RNASEH2A: variants seen among roughly 807,000 people sequenced by gnomAD.
The protein encoded by RNASEH2A is ribonuclease H2 subunit A, also known as RNase H(35).
Under a neutral mutation model 32.7 loss-of-function variants are expected in RNASEH2A, and 30 were observed. The ratio of observed to expected loss-of-function variants is 0.92; its 90% confidence interval spans 0.69 to 1.25. The LOEUF (loss-of-function observed/expected upper bound fraction) is 1.25, where lower values mean the gene tolerates loss of function less well. Ranked by LOEUF, RNASEH2A falls within the 50% of genes most tolerant of loss-of-function variation. RNASEH2A has a pLI of 0.00. For missense variants in RNASEH2A, 409 were observed against 398.1 expected, an observed-to-expected ratio of 1.03 and a Z score of -0.23; for synonymous variants, 147 against 165.4, an observed-to-expected ratio of 0.89 and a Z score of 0.86.
intron 6 of RNASEH2A, 60 bp from the exon 7 acceptor site, chr19:12,813,023 G>T (rs1969095904): frequency 4.4e-6 from 7 of 1,607,426 alleles, no homozygotes; most frequent in African/African-American, 1.3e-5. Flanking sequence ...AAAAAGAGTG[G>T]CAGGGAGCTT....
At chr19:12,807,846 C>T (rs1474823576) in intron 4 of RNASEH2A, 12 of 357,008 alleles carry the variant, frequency 3.4e-5, no homozygotes, top group East Asian at 2.1e-4. Context: ...ACAGGAGAAT[C>T]GCTTGAACCC....
intron 3 of RNASEH2A, 25 bp downstream of exon 3, chr19:12,807,354 C>G: frequency 6.2e-7 from 1 of 1,614,172 alleles, no homozygotes; most frequent in African/African-American, 1.3e-5. Context: ...GGAGGGGCAG[C>G]CAGCATGGGC....
chr19:12,811,434 A>AC (rs773271814), intron 6 of RNASEH2A, among the ~76,000 whole-genome samples: 3 of 150,996 alleles, frequency 2.0e-5, no homozygotes, highest in Non-Finnish European at 4.4e-5. Context: ...ACATAGCGAG[A>AC]CCCCCATCTC....
chr19:12,812,985 CAG>C, intron 6 of RNASEH2A, 96 bp from the exon 7 acceptor site: 1 of 1,550,836 alleles, frequency 6.4e-7, no homozygotes, highest in Non-Finnish European at 8.8e-7. Context: ...AGCCTGGCTA[CAG>C]AGTGGGACTC....
In RNASEH2A at chr19:12,806,805, G is replaced by T. The variant is rs765535947; in HGVS notation, c.127+5G>T. On this transcript the variant is annotated splice_donor_5th_base_variant and intron_variant, in intron 1 of 7. Transcript: ENST00000221486. The stretch of plus-strand genomic sequence containing the variant: ...CGGGCAGGGGCCCCGTGCTGGGTGC[G>T]CCCCTAGGGCCAGGGAGGGGAGGGG... 3 of 1,582,498 alleles carry T rather than the reference G, an allele frequency of 1.9e-6. No individual in the cohort carries two copies. The highest frequency in any genetic ancestry group is 1.9e-5 in the Admixed American group (1 of 54,004).
rs1197618911 is a variant in RNASEH2A, at chr19:12,806,635, G to A, written c.-39G>A. ...ACGCGCGCCGAGACCCGCTCCTGCAGTATTAGTTCTTGCAGCTGGTGGTGG... is the reference window on the plus strand; with the variant it reads ...ACGCGCGCCGAGACCCGCTCCTGCAATATTAGTTCTTGCAGCTGGTGGTGG... On this transcript the variant is annotated 5_prime_UTR_variant, in exon 1 of 8. Transcript: ENST00000221486. 1.3e-6 allele frequency: 2 copies of A among 1,564,050 alleles called. No homozygotes were observed. Among genetic ancestry groups the A allele is most frequent in the Non-Finnish European group, 1.7e-6 (2 of 1,154,162 alleles).
chr19:12,811,310 C>G (rs922230255), intron 6 of RNASEH2A, among the ~76,000 whole-genome samples: 2 of 152,056 alleles, frequency 1.3e-5, no homozygotes, highest in Non-Finnish European at 2.9e-5. Flanking sequence ...GCATTTGTCC[C>G]TTTGTTAAGG....
rs181235174 is a variant in RNASEH2A at position 12,808,475 on chromosome 19, A to G, written c.411+969A>G. ...GCTCAGTCTCCAGAACAAATCCTAC[A>G]TTGTCTACCTGTCACCTCTGTCCTA... On this transcript the variant is annotated intron_variant, in intron 4 of 7. Transcript: ENST00000221486. Among the ~76,000 whole-genome samples the G allele has an allele frequency of 3.4e-3, 511 of 149,528 alleles. 2 individuals carry two copies. The highest frequency in any genetic ancestry group is 0.012 in the African/African-American group (475 of 39,780).
intron 4 of RNASEH2A, 92 bp downstream of exon 4, chr19:12,807,598 C>A (rs1289876156): frequency 1.9e-6 from 2 of 1,033,182 alleles, no homozygotes; most frequent in Non-Finnish European, 3.0e-6. Context: ...CATGATCATG[C>A]CACAGCACTC....
chr19:12,806,815 C>A lies in RNASEH2A; in HGVS notation c.127+15C>A. On this transcript the variant is annotated intron_variant, in intron 1 of 7. Coordinates refer to ENST00000221486, the MANE Select transcript of RNASEH2A (RefSeq NM_006397.3). Reference sequence around the variant, plus strand: ...CCCCGTGCTGGGTGCGCCCCTAGGGCCAGGGAGGGGAGGGGCGTGGTACGG... The same window carrying A: ...CCCCGTGCTGGGTGCGCCCCTAGGGACAGGGAGGGGAGGGGCGTGGTACGG... 6.3e-7 allele frequency: 1 copy of A among 1,586,404 alleles called. No homozygotes were observed. The highest frequency in any genetic ancestry group is 8.6e-7 in the Non-Finnish European group (1 of 1,166,984).
intron 4 of RNASEH2A, among the ~76,000 whole-genome samples, chr19:12,809,237 A>T (rs1270941799): frequency 6.6e-6 from 1 of 152,182 alleles, no homozygotes; most frequent in African/African-American, 2.4e-5. Flanking sequence ...AAAATAAAAC[A>T]TGAAAGATGG....
In RNASEH2A at chr19:12,813,142, T is replaced by G. The variant is rs1297337553; in HGVS notation, c.697T>G (p.Phe233Val). Residue 233 changes from phenylalanine to valine, a missense_variant, in exon 7 of 8, where the codon TTT becomes GTT. By Grantham distance (50) the Phe-to-Val change is conservative (BLOSUM62 -1). Transcript: ENST00000221486. ...GGAGCCTGTGTTCGGCTTCCCCCAG[T>G]TTGTCCGGTTCAGCTGGCGCACGGC... ...HVEPVFGFPQ[F>V]VRFSWRTAQT... 6.2e-7 allele frequency: 1 copy of G among 1,613,916 alleles called. No homozygotes were observed. The highest frequency in any genetic ancestry group is 1.7e-5 in the Admixed American group (1 of 59,960).
In RNASEH2A at chr19:12,810,091, G is replaced by A. The variant is rs1969050960; in HGVS notation, c.432G>A (p.Gly144=). 1 of 1,614,014 alleles carries A rather than the reference G, an allele frequency of 6.2e-7. No homozygotes were observed. The highest frequency in any genetic ancestry group is 1.3e-5 in the African/African-American group (1 of 74,896). ...GGCAGGTATTCGTGGACACCGTAGGGATGCCAGAGACATACCAGGCGCGGC... is the reference window on the plus strand; with the variant it reads ...GGCAGGTATTCGTGGACACCGTAGGAATGCCAGAGACATACCAGGCGCGGC... ...NVTQVFVDTV[G]MPETYQARLQ... Residue 144 remains glycine, a synonymous_variant, in exon 5 of 8, where the codon GGG becomes GGA. Coordinates refer to ENST00000221486, the MANE Select transcript of RNASEH2A (RefSeq NM_006397.3).
rs1341270813 is a variant in RNASEH2A, at chr19:12,806,897, T to G, written c.127+97T>G. On this transcript the variant is annotated intron_variant, in intron 1 of 7. Transcript: ENST00000221486. ...TGCACCAAGGGAGGGGATGTGGTCGTGGTGATGGCACCTAAAGAAGCAGTG... is the reference window on the plus strand; with the variant it reads ...TGCACCAAGGGAGGGGATGTGGTCGGGGTGATGGCACCTAAAGAAGCAGTG... 5.6e-6 allele frequency: 9 copies of G among 1,597,968 alleles called. No individual in the cohort carries two copies. The East Asian group carries it at 2.0e-4, about 36-fold the overall frequency.
At chr19:12,810,437 G>A (rs1471780175) in intron 6 of RNASEH2A, 33 bp downstream of exon 6, 1 of 1,548,628 alleles carries the variant, frequency 6.5e-7, no homozygotes. Flanking sequence ...TACTAATGTT[G>A]AAATGGCCAG....
At chr19:12,808,885 C>G (rs1462961907) in intron 4 of RNASEH2A, among the ~76,000 whole-genome samples, 1 of 150,336 alleles carries the variant, frequency 6.7e-6, no homozygotes, top group East Asian at 2.0e-4. Flanking sequence ...GCTAGGAGTT[C>G]CAGACCAGCC....
chr19:12,812,317 C>G (rs1325351869), intron 6 of RNASEH2A, among the ~76,000 whole-genome samples: 1 of 151,624 alleles, frequency 6.6e-6, no homozygotes, highest in Non-Finnish European at 1.5e-5. Flanking sequence ...CACCTGAGGT[C>G]AGGAGTTTGA....
At chr19:12,809,267 T>C (rs1969039189) in intron 4 of RNASEH2A, among the ~76,000 whole-genome samples, 1 of 152,006 alleles carries the variant, frequency 6.6e-6, no homozygotes, top group South Asian at 2.1e-4. Flanking sequence ...AAACAAAAAA[T>C]AAAGGTTGTT....
rs1969107532 is a variant in RNASEH2A at position 12,813,532 on chromosome 19, C to T, written c.*66C>T. The T allele has an allele frequency of 4.4e-6, 7 of 1,595,968 alleles. No individual in the cohort carries two copies. The highest frequency in any genetic ancestry group is 5.1e-6 in the Non-Finnish European group (6 of 1,172,960). Reference sequence around the variant, plus strand: ...CATTAAAATTGTTTAAGGAGAACCACACGTAGGGGATGTACTTTTGGGACA... The same window carrying T: ...CATTAAAATTGTTTAAGGAGAACCATACGTAGGGGATGTACTTTTGGGACA... On this transcript the variant is annotated 3_prime_UTR_variant, in exon 8 of 8. Coordinates refer to ENST00000221486, the MANE Select transcript of RNASEH2A (RefSeq NM_006397.3).
Sources: gnomAD v4.1 joint callset for allele counts (sites outside exome capture counted in the v4.1 genomes callset) on GRCh38, gnomAD v4.1.1 for gene constraint, MANE v1.5 for transcripts, NCBI Gene and HGNC (gene_info 2026-07-23, HGNC 2026-07-21) for gene names.